The following COL6A2 variants were observed in gnomAD, a reference collection of about 807,000 sequenced individuals.
COL6A2 encodes collagen type VI alpha 2 chain.
COL6A2 carries 90 observed loss-of-function variants against 124.9 expected under a neutral mutation model. The ratio of observed to expected loss-of-function variants is 0.72; its 90% CI spans 0.61 to 0.86. The LOEUF (loss-of-function observed/expected upper bound fraction) is 0.86, where lower values mean the gene tolerates loss of function less well. Among genes scored for constraint, COL6A2 ranks in the 40% least tolerant of loss-of-function variants. The probability of loss-of-function intolerance (pLI) is 0.00; values close to 1 mark genes in which losing one functional copy is unlikely to be tolerated. For synonymous variants in COL6A2, 793 were observed against 618.2 expected (o/e 1.28, Z -4.19); for missense variants, 1,607 against 1,502.5 (o/e 1.07, Z -1.15).
At chr21:46,129,784 G>A (rs1020586163) in intron 27 of COL6A2, 39 of 1,282,862 alleles carry the variant, frequency 3.0e-5, no homozygotes, top group East Asian at 3.3e-5. Flanking sequence ...GAATGACCTC[G>A]CAAGACCCTT....
chr21:46,121,240 C>T, intron 17 of COL6A2, 117 bp downstream of exon 17: 1 of 1,053,742 alleles, frequency 9.5e-7, no homozygotes, highest in Non-Finnish European at 1.4e-6. Flanking sequence ...GCAGCAGAGC[C>T]TGGCCTCAGA....
chr21:46,132,814 G>C lies in COL6A2; in HGVS notation c.*262G>C. 2 of 568,024 alleles carry C rather than the reference G, an allele frequency of 3.5e-6. No homozygotes were observed. The highest frequency in any genetic ancestry group is 4.0e-5 in the South Asian group (2 of 49,568). 35.2% of individuals were successfully genotyped at this position (568,024 alleles called of 1,614,324 possible). Reference sequence around the variant, plus strand: ...TGACCTACCTGGCCCCTGAGCTCTGGAGCAAGCCCTGACCCAATAAAGGCT... The same window carrying C: ...TGACCTACCTGGCCCCTGAGCTCTGCAGCAAGCCCTGACCCAATAAAGGCT... On this transcript the variant is annotated 3_prime_UTR_variant, in exon 28 of 28. Transcript: ENST00000300527.
intron 27 of COL6A2, chr21:46,129,008 T>TGTGCTCACTGCCCCC: frequency 6.2e-7 from 1 of 1,605,346 alleles, no homozygotes; most frequent in Non-Finnish European, 8.5e-7. Flanking sequence ...TTCCTGTCCC[T>TGTGCTCACTGCCCCC]GTGCTCACTG....
At chr21:46,128,488 C>CCTGGCCCTGGT (rs993347797) in intron 27 of COL6A2, among the ~76,000 whole-genome samples, 3 of 152,256 alleles carry the variant, frequency 2.0e-5, no homozygotes, top group Admixed American at 2.0e-4. Context: ...CTGGCTGTGG[C>CCTGGCCCTGGT]CTGGCCCTGG....
At chr21:46,125,375 G>GGCTGGGTCATC (rs754250503) in intron 24 of COL6A2, 64 bp downstream of exon 24, 56 of 1,605,474 alleles carry the variant, frequency 3.5e-5, no homozygotes, top group East Asian at 1.3e-4. Context: ...AGTGCAGCAG[G>GGCTGGGTCATC]GCTGGGTCAT....
chr21:46,099,784 C>T (rs1297905407), intron 1 of COL6A2, among the ~76,000 whole-genome samples: 2 of 151,534 alleles, frequency 1.3e-5, no homozygotes, highest in Admixed American at 6.6e-5. Context: ...GCTCACAGGG[C>T]GCCTGCTCTT....
At position 46,116,602 on chromosome 21, in the gene COL6A2, T is replaced by C. The variant is rs559544089; in HGVS notation, c.928-49T>C. On this transcript the variant is annotated intron_variant, in intron 8 of 27. Transcript: ENST00000300527. The surrounding 1 kb of genome is among the most constrained non-coding windows in gnomAD (Gnocchi z 4.6). ...TGCCCCCCAGAGGCAGCAGTGCCCATGATGCTTTGAGGCACCGAGCTCACT... is the reference window on the plus strand; with the variant it reads ...TGCCCCCCAGAGGCAGCAGTGCCCACGATGCTTTGAGGCACCGAGCTCACT... The C allele has an allele frequency of 6.2e-6, 10 of 1,612,330 alleles. No individual in the cohort carries two copies. In the African/African-American group the frequency reaches 1.2e-4, roughly 19 times the overall value.
intron 27 of COL6A2, among the ~76,000 whole-genome samples, chr21:46,131,451 G>T (rs2078758659): frequency 6.6e-6 from 1 of 152,154 alleles, no homozygotes; most frequent in South Asian, 2.1e-4. Flanking sequence ...GAAGAGTCAG[G>T]GGCTCCTGGT....
chr21:46,114,167 C>A, intron 5 of COL6A2, 94 bp downstream of exon 5: 1 of 1,060,204 alleles, frequency 9.4e-7, no homozygotes, highest in Non-Finnish European at 1.5e-6. Flanking sequence ...TGGCTCATAC[C>A]TGTAATCCCA....
Position 46,116,690 on chromosome 21 carries a change from G to T in COL6A2, c.954+13G>T, listed in dbSNP as rs2078475874. The stretch of plus-strand genomic sequence containing the variant: ...CGACGGTCGCAAGGTAGGCTGGCTG[G>T]GTAGGCAGAGCCCCTCCTTCCTGCT... On this transcript the variant is annotated intron_variant, in intron 9 of 27. Transcript: ENST00000300527. This position sits in a 1 kb window ranked among gnomAD's most constrained non-coding sequence, Gnocchi z 4.6. 1 of 1,613,074 alleles carries T rather than the reference G, an allele frequency of 6.2e-7. No individual in the cohort carries two copies. Among genetic ancestry groups the T allele is most frequent in the Admixed American group, 1.7e-5 (1 of 60,032 alleles).
At chr21:46,113,872 C>A in intron 4 of COL6A2, 136 bp from the exon 5 acceptor site, 1 of 752,788 alleles carries the variant, frequency 1.3e-6, no homozygotes, top group Non-Finnish European at 2.4e-6. Flanking sequence ...CCCTCACGCC[C>A]GCCCAGGTTC....
At position 46,111,503 on chromosome 21, in the gene COL6A2, C is replaced by T. The variant is rs1201571014; in HGVS notation, c.27C>T (p.Leu9=). The T allele has an allele frequency of 1.5e-5, 24 of 1,612,830 alleles. No individual in the cohort carries two copies. Among genetic ancestry groups the T allele is most frequent in the Non-Finnish European group, 1.9e-5 (23 of 1,179,796 alleles). Residue 9 remains leucine, a synonymous_variant, in exon 2 of 28, where the codon CTC becomes CTT. Coordinates refer to ENST00000300527, the MANE Select transcript of COL6A2 (RefSeq NM_001849.4). MLQGTCSV[L]LLWGILGAIQ... is the part of the protein sequence containing the mutation. Reference sequence around the variant, plus strand: ...TGCTCCAGGGCACCTGCTCCGTGCTCCTGCTCTGGGGAATCCTGGGGGCCA... The same window carrying T: ...TGCTCCAGGGCACCTGCTCCGTGCTTCTGCTCTGGGGAATCCTGGGGGCCA...
chr21:46,116,328 T>TACA lies in COL6A2; in HGVS notation c.901-49_901-48insACA. The TACA allele has an allele frequency of 6.2e-7, 1 of 1,607,126 alleles. No homozygotes were observed. Among genetic ancestry groups the TACA allele is most frequent in the Non-Finnish European group, 8.5e-7 (1 of 1,175,830 alleles). ...TGCAGGGCTGGCCCTTCCCTGCCTGTGTCTCTGCAGAGCTCCTCACTAATG... is the reference window on the plus strand; with the variant it reads ...TGCAGGGCTGGCCCTTCCCTGCCTGTACAGTCTCTGCAGAGCTCCTCACTAATG... On this transcript the variant is annotated intron_variant, in intron 7 of 27. Coordinates refer to ENST00000300527, the MANE Select transcript of COL6A2 (RefSeq NM_001849.4). The surrounding 1 kb of genome is among the most constrained non-coding windows in gnomAD (Gnocchi z 4.6).
rs2078467516 is a variant in COL6A2 at position 46,116,173 on chromosome 21, A to G, written c.900+120A>G. The G allele has an allele frequency of 8.3e-7, 1 of 1,210,448 alleles. No individual in the cohort carries two copies. The highest frequency in any genetic ancestry group is 1.3e-5 in the South Asian group (1 of 77,420). The allele number at this position is 1,210,448 out of a possible 1,614,324, so 75.0% of individuals were successfully genotyped here. On this transcript the variant is annotated intron_variant, in intron 7 of 27. Transcript: ENST00000300527. The surrounding 1 kb of genome is among the most constrained non-coding windows in gnomAD (Gnocchi z 4.6). The stretch of plus-strand genomic sequence containing the variant: ...ACCCTCCCCCCAGTTACCAAGGAAC[A>G]GAAGCACCTCGATAACTTGATGGCC...
At position 46,119,018 on chromosome 21, in the gene COL6A2, C is replaced by T. The variant is rs1189408610; in HGVS notation, c.1180-12C>T. Reference sequence around the variant, plus strand: ...TGCCTCTGGGTGACTGTGCTGTCCTCTCCTTCTTCAGGGGTATCAAGGCAA... The same window carrying T: ...TGCCTCTGGGTGACTGTGCTGTCCTTTCCTTCTTCAGGGGTATCAAGGCAA... On this transcript the variant is annotated splice_polypyrimidine_tract_variant and intron_variant, in intron 13 of 27. Coordinates refer to ENST00000300527, the MANE Select transcript of COL6A2 (RefSeq NM_001849.4). 12 of 1,598,700 alleles carry T rather than the reference C, an allele frequency of 7.5e-6. No individual in the cohort carries two copies. In the Admixed American group the frequency reaches 8.3e-5, roughly 11 times the overall value.
In COL6A2 at chr21:46,117,915, G is replaced by A. The variant is rs374673302; in HGVS notation, c.1095G>A (p.Glu365=). The part of the protein sequence containing the change: ...GYPGEAGSPG[E]RGDQGGKGDP... Reference sequence around the variant, plus strand: ...CGGGGGAAGCAGGGAGTCCAGGGGAGCGAGGAGACCAAGGCGGCAAGGTAA... The same window carrying A: ...CGGGGGAAGCAGGGAGTCCAGGGGAACGAGGAGACCAAGGCGGCAAGGTAA... Residue 365 remains glutamate, a synonymous_variant, in exon 12 of 28, where the codon GAG becomes GAA. Transcript: ENST00000300527. 66 of 1,612,866 alleles carry A rather than the reference G, an allele frequency of 4.1e-5. No homozygotes were observed. The highest frequency in any genetic ancestry group is 8.3e-5 in the Admixed American group (5 of 59,976).
intron 23 of COL6A2, 113 bp from the exon 24 acceptor site, chr21:46,125,153 T>G: frequency 3.5e-6 from 4 of 1,138,734 alleles, no homozygotes; most frequent in Non-Finnish European, 3.9e-6. Flanking sequence ...CCTCCCCGCA[T>G]GGCTGCCTCC....
intron 21 of COL6A2, 68 bp downstream of exon 21, chr21:46,123,005 T>C (rs1251281042): frequency 1.4e-6 from 2 of 1,435,418 alleles, no homozygotes; most frequent in African/African-American, 2.8e-5. Flanking sequence ...AGGCTGAGCG[T>C]GTGCATCTAT....
chr21:46,105,836 GA>G (rs912275793), intron 1 of COL6A2, among the ~76,000 whole-genome samples: 1 of 151,862 alleles, frequency 6.6e-6, no homozygotes, highest in Non-Finnish European at 1.5e-5. Context: ...AAGGTATACA[GA>G]AAAAAAATGC....
Sources: gnomAD v4.1 joint callset for allele counts (sites outside exome capture counted in the v4.1 genomes callset) on GRCh38, gnomAD v4.1.1 for gene constraint, Gnocchi (gnomAD v3.1) non-coding constraint, MANE v1.5 for transcripts, NCBI Gene and HGNC (gene_info 2026-07-23, HGNC 2026-07-21) for gene names.